The following ST8SIA6 variants were observed in gnomAD, a reference collection of about 807,000 sequenced individuals.
The protein encoded by ST8SIA6 is alpha-2,8-sialyltransferase 8F.
In ST8SIA6, 39 loss-of-function variants were observed where a neutral mutation model predicts 33.6. The ratio of observed to expected loss-of-function variants is 1.16; its 90% confidence interval spans 0.90 to 1.52. ST8SIA6 has a LOEUF of 1.52. ST8SIA6 is among the 40% of genes most tolerant of loss of function. The pLI, the probability that ST8SIA6 is intolerant of heterozygous loss-of-function variation, is 0.00. For synonymous variants in ST8SIA6, 172 were observed against 167.2 expected (o/e 1.03, Z -0.22); for missense variants, 441 against 443.8 (o/e 0.99, Z 0.06).
chr10:17,328,460 T>A (rs1848200109), intron 5 of ST8SIA6, among the ~76,000 whole-genome samples: 1 of 152,218 alleles, frequency 6.6e-6, no homozygotes, highest in Non-Finnish European at 1.5e-5. Flanking sequence ...TGGTGCGCTT[T>A]CCTTCCCTCT....
intron 1 of ST8SIA6, 128 bp from the exon 2 acceptor site, chr10:17,453,785 GC>G: frequency 1.5e-6 from 1 of 656,550 alleles, no homozygotes; most frequent in Non-Finnish European, 2.2e-6. Flanking sequence ...CAGGTCCCCA[GC>G]CCCAGAGTTG....
At position 17,390,355 on chromosome 10, in the gene ST8SIA6, G is replaced by A. The variant is rs566435923; in HGVS notation, c.290+176C>T. 1.5e-4 allele frequency among the ~76,000 whole-genome samples: 23 copies of A among 152,242 alleles called. No individual in the cohort carries two copies. In the East Asian group the frequency reaches 4.2e-3, roughly 28 times the overall value. ...AGTCCCACTGCCAGGGTCTGACCCT[G>A]GTACACATTGTTTGGCCCCAGGTCC... On this transcript the variant is annotated intron_variant, in intron 3 of 7. Coordinates refer to ENST00000377602, the MANE Select transcript of ST8SIA6 (RefSeq NM_001004470.3).
intron 4 of ST8SIA6, among the ~76,000 whole-genome samples, chr10:17,355,732 G>C (rs142096769): frequency 5.0e-4 from 76 of 152,196 alleles, no homozygotes; most frequent in African/African-American, 1.8e-3. Flanking sequence ...TATTGCTCTT[G>C]GGCTCCTGGT....
Position 17,327,025 on chromosome 10 carries a change from G to A in ST8SIA6, c.624C>T (p.Asp208=). Residue 208 remains aspartate, a synonymous_variant, in exon 6 of 8, where the codon GAC becomes GAT. Coordinates refer to ENST00000377602, the MANE Select transcript of ST8SIA6 (RefSeq NM_001004470.3). ...SLCGTEIDKS[D]FVFRCNLPPT... ...TTGTCAGGTCTTACCTAAAAACGAA[G>A]TCGGATTTATCTATTTCAGTTCCAC... The A allele has an allele frequency of 2.5e-6, 4 of 1,596,838 alleles. No homozygotes were observed. The highest frequency in any genetic ancestry group is 1.1e-5 in the South Asian group (1 of 87,498).
At chr10:17,369,996 T>TC (rs1310717135) in intron 3 of ST8SIA6, among the ~76,000 whole-genome samples, 1 of 150,554 alleles carries the variant, frequency 6.6e-6, no homozygotes, top group Non-Finnish European at 1.5e-5. Context: ...TCACTGACTT[T>TC]TTTTTTTTTT....
chr10:17,438,676 ACTC>A (rs1463282438), intron 2 of ST8SIA6, among the ~76,000 whole-genome samples: 1 of 151,902 alleles, frequency 6.6e-6, no homozygotes, highest in Non-Finnish European at 1.5e-5. Context: ...TTTTTCCAAA[ACTC>A]CTCAGCTATT....
intron 5 of ST8SIA6, among the ~76,000 whole-genome samples, chr10:17,329,202 A>G (rs187384773): frequency 6.6e-6 from 1 of 152,286 alleles, no homozygotes. Context: ...AAGAGGCACT[A>G]TTTCAAGTAC....
intron 5 of ST8SIA6, among the ~76,000 whole-genome samples, chr10:17,329,018 A>T (rs568266672): frequency 6.6e-6 from 1 of 152,266 alleles, no homozygotes; most frequent in African/African-American, 2.4e-5. Context: ...CCCAGGGCCG[A>T]TGTGGTTCTG....
intron 3 of ST8SIA6, among the ~76,000 whole-genome samples, chr10:17,372,812 C>G (rs954806316): frequency 1.3e-5 from 2 of 152,130 alleles, no homozygotes; most frequent in African/African-American, 4.8e-5. Context: ...CTCTTATGAC[C>G]TTTCTTGAAA....
At chr10:17,417,481 G>C (rs1056192883) in intron 2 of ST8SIA6, among the ~76,000 whole-genome samples, 2 of 151,980 alleles carry the variant, frequency 1.3e-5, no homozygotes, top group African/African-American at 4.8e-5. Flanking sequence ...AGTGACTTTT[G>C]CTACTCCCTA....
chr10:17,377,218 A>T (rs1330967167), intron 3 of ST8SIA6, among the ~76,000 whole-genome samples: 1 of 152,144 alleles, frequency 6.6e-6, no homozygotes, highest in Non-Finnish European at 1.5e-5. Flanking sequence ...CCTGCCTGCA[A>T]GAGAAAAAAC....
chr10:17,383,406 T>C (rs1483323425), intron 3 of ST8SIA6, among the ~76,000 whole-genome samples: 1 of 152,220 alleles, frequency 6.6e-6, no homozygotes, highest in Non-Finnish European at 1.5e-5. Flanking sequence ...GGGCTGTATT[T>C]GTATAAATAT....
At chr10:17,393,957 C>G (rs1469812204) in intron 2 of ST8SIA6, among the ~76,000 whole-genome samples, 1 of 152,142 alleles carries the variant, frequency 6.6e-6, no homozygotes, top group East Asian at 1.9e-4. Context: ...ATGTATTATA[C>G]TGTCCAAGGA....
intron 3 of ST8SIA6, among the ~76,000 whole-genome samples, chr10:17,382,742 GA>G (rs1223062468): frequency 6.6e-6 from 1 of 152,200 alleles, no homozygotes; most frequent in Non-Finnish European, 1.5e-5. Context: ...TACAGGGCAA[GA>G]AATTAAAGCT....
At chr10:17,322,126 A>G (rs1198308244) in intron 7 of ST8SIA6, among the ~76,000 whole-genome samples, 2 of 135,922 alleles carry the variant, frequency 1.5e-5, no homozygotes, top group Non-Finnish European at 3.3e-5. Flanking sequence ...GAGAGAGAGG[A>G]AGGAAGGAAG....
rs758746672 is a variant in ST8SIA6 at position 17,321,321 on chromosome 10, C to CT, written c.753dup (p.Ala252SerfsTer40). The CT allele has an allele frequency of 2.7e-5, 43 of 1,600,514 alleles. No homozygotes were observed. Among genetic ancestry groups the CT allele is most frequent in the Middle Eastern group, 1.7e-4 (1 of 5,988 alleles). ...GTTGCAATGTCCTCCAGAAATAGGGCTTTTTTTTCCTTTAAGTTCCCATAT... is the reference window on the plus strand; with the variant it reads ...GTTGCAATGTCCTCCAGAAATAGGGCTTTTTTTTTCCTTTAAGTTCCCATAT... On this transcript the variant is annotated frameshift_variant, in exon 8 of 8. Coordinates refer to ENST00000377602, the MANE Select transcript of ST8SIA6 (RefSeq NM_001004470.3). LOFTEE classifies it low-confidence loss of function (END_TRUNC).
chr10:17,440,942 T>A (rs1034684896), intron 2 of ST8SIA6, among the ~76,000 whole-genome samples: 1 of 152,238 alleles, frequency 6.6e-6, no homozygotes, highest in Admixed American at 6.5e-5. Flanking sequence ...TGCCCATTTT[T>A]AAACTGGGGT....
At chr10:17,374,037 G>A (rs950897703) in intron 3 of ST8SIA6, among the ~76,000 whole-genome samples, 1 of 146,204 alleles carries the variant, frequency 6.8e-6, no homozygotes, top group Non-Finnish European at 1.5e-5. Flanking sequence ...TTCAGATTAG[G>A]ATTATGCTAG....
rs45536332 is a variant in ST8SIA6 at position 17,319,454 on chromosome 10, G to A, written c.*1424C>T. Among the ~76,000 whole-genome samples, 597 of 152,118 alleles carry A rather than the reference G, an allele frequency of 3.9e-3. 2 individuals are homozygous for A. Among genetic ancestry groups the A allele is most frequent in the Non-Finnish European group, 7.2e-3 (488 of 67,984 alleles). ...CTTTTAGGATGGCAACACAGATGTC[G>A]AACCAGAAACTTCAGATGTGTTAAC... On this transcript the variant is annotated 3_prime_UTR_variant, in exon 8 of 8. Coordinates refer to ENST00000377602, the MANE Select transcript of ST8SIA6 (RefSeq NM_001004470.3).
Sources: gnomAD v4.1 joint callset for allele counts (sites outside exome capture counted in the v4.1 genomes callset) on GRCh38, gnomAD v4.1.1 for gene constraint, MANE v1.5 for transcripts, NCBI Gene and HGNC (gene_info 2026-07-23, HGNC 2026-07-21) for gene names.